SLC9A9: variants seen among roughly 807,000 people sequenced by gnomAD.
The protein encoded by SLC9A9 is sodium/hydrogen exchanger 9.
A neutral mutation model predicts 77.8 loss-of-function variants in SLC9A9; 62 were observed. That is an observed-to-expected ratio of 0.80 (90% confidence interval 0.65 to 0.98). The LOEUF (loss-of-function observed/expected upper bound fraction) is 0.98. SLC9A9 is among the 50% of genes least tolerant of loss of function. The pLI is 0.00. For missense variants in SLC9A9, 775 were observed against 774.9 expected (o/e 1.00, Z 0.00); for synonymous variants, 320 against 283.5 (o/e 1.13, Z -1.29).
At chr3:143,698,969 G>A (rs2108787049) in intron 4 of SLC9A9, among the ~76,000 whole-genome samples, 1 of 152,290 alleles carries the variant, frequency 6.6e-6, no homozygotes, top group Middle Eastern at 3.4e-3. Flanking sequence ...CTAAATTTCT[G>A]AATTTTATAC....
intron 9 of SLC9A9, among the ~76,000 whole-genome samples, chr3:143,498,954 G>A (rs2035885538): frequency 6.6e-6 from 1 of 152,112 alleles, no homozygotes; most frequent in Admixed American, 6.5e-5. Flanking sequence ...AGACACTTGG[G>A]TATTTTCTAG....
chr3:143,577,550 C>A (rs145311947), intron 7 of SLC9A9, among the ~76,000 whole-genome samples: 9 of 152,180 alleles, frequency 5.9e-5, no homozygotes, highest in Non-Finnish European at 1.0e-4. Flanking sequence ...AACTTCGATG[C>A]GGCTCTGGCA....
intron 5 of SLC9A9, among the ~76,000 whole-genome samples, chr3:143,668,007 C>G (rs1028960373): frequency 4.6e-5 from 7 of 152,134 alleles, no homozygotes; most frequent in Non-Finnish European, 1.0e-4. Context: ...GATTATAAAT[C>G]ATGCTGCCAT....
chr3:143,334,363 T>C (rs2031862734), intron 14 of SLC9A9, among the ~76,000 whole-genome samples: 2 of 152,252 alleles, frequency 1.3e-5, no homozygotes, highest in African/African-American at 4.8e-5. Flanking sequence ...TATTAGCAGA[T>C]GGCTGTTGGA....
chr3:143,737,462 A>G (rs1934967072), intron 4 of SLC9A9, among the ~76,000 whole-genome samples: 1 of 151,218 alleles, frequency 6.6e-6, no homozygotes, highest in African/African-American at 2.4e-5. Context: ...ATAAGAACCC[A>G]TGTAATGAGA....
At chr3:143,702,905 CA>C (rs1933846357) in intron 4 of SLC9A9, among the ~76,000 whole-genome samples, 2 of 151,718 alleles carry the variant, frequency 1.3e-5, no homozygotes, top group Non-Finnish European at 2.9e-5. Context: ...CAATGGAAAC[CA>C]AAAAAGAGCA....
chr3:143,305,006 C>T (rs1478358902), intron 14 of SLC9A9, among the ~76,000 whole-genome samples: 1 of 152,142 alleles, frequency 6.6e-6, no homozygotes, highest in East Asian at 1.9e-4. Flanking sequence ...ATTCTGATAT[C>T]TGAACGTGAA....
At chr3:143,605,055 C>T (rs2037899395) in intron 6 of SLC9A9, among the ~76,000 whole-genome samples, 1 of 152,074 alleles carries the variant, frequency 6.6e-6, no homozygotes, top group Non-Finnish European at 1.5e-5. Context: ...TTGTCTAAAC[C>T]ACATGGAGCG....
intron 1 of SLC9A9, among the ~76,000 whole-genome samples, chr3:143,843,635 T>G (rs989749341): frequency 1.3e-5 from 2 of 152,330 alleles, no homozygotes; most frequent in Non-Finnish European, 2.9e-5. Context: ...TCTAAGAGGT[T>G]TAAATTGCTC....
chr3:143,483,435 CCAT>C (rs1259843017), intron 11 of SLC9A9, among the ~76,000 whole-genome samples: 5 of 152,146 alleles, frequency 3.3e-5, no homozygotes, highest in Non-Finnish European at 7.4e-5. Context: ...TTTCTCACCA[CCAT>C]GAGATGAGTC....
At chr3:143,755,358 G>C (rs528095455) in intron 4 of SLC9A9, among the ~76,000 whole-genome samples, 41 of 152,294 alleles carry the variant, frequency 2.7e-4, no homozygotes, top group African/African-American at 8.9e-4. Flanking sequence ...ATAGTTATGT[G>C]ACCATAGGTA....
intron 12 of SLC9A9, among the ~76,000 whole-genome samples, chr3:143,442,954 C>T (rs2034773406): frequency 1.3e-5 from 2 of 152,138 alleles, no homozygotes; most frequent in East Asian, 3.9e-4. Context: ...GAAGAATGTT[C>T]TCTGAGGTTA....
At chr3:143,626,328 G>C (rs1308533938) in intron 6 of SLC9A9, among the ~76,000 whole-genome samples, 1 of 152,192 alleles carries the variant, frequency 6.6e-6, no homozygotes, top group Non-Finnish European at 1.5e-5. Context: ...TATGTTTATT[G>C]CGGCACTATT....
Position 143,552,448 on chromosome 3 carries a change from T to G in SLC9A9, c.1003A>C (p.Ile335Leu). The G allele has an allele frequency of 6.2e-7, 1 of 1,612,666 alleles. No homozygotes were observed. Among genetic ancestry groups the G allele is most frequent in the East Asian group, 2.2e-5 (1 of 44,778 alleles). ...ACTCCACAGAAGAGAACAGCAACTA[T>G]CCCTGAAATTAAAAAAACAGATCAG... ...LSAEAAGLTG[I>L]VAVLFCGVTQ... The change falls in exon 9 of 16, where the codon ATA becomes CTA. Residue 335 changes from isoleucine to leucine, a missense_variant and splice_region_variant. Physicochemically the swap from Ile to Leu is conservative, Grantham distance 5. Transcript: ENST00000316549.
At chr3:143,299,140 T>C (rs2030407379) in intron 14 of SLC9A9, among the ~76,000 whole-genome samples, 2 of 152,158 alleles carry the variant, frequency 1.3e-5, no homozygotes, top group South Asian at 2.1e-4. Context: ...GGGTTGAAAA[T>C]GTGGAAAGAG....
At chr3:143,411,732 G>A (rs77598439) in intron 12 of SLC9A9, among the ~76,000 whole-genome samples, 1 of 151,976 alleles carries the variant, frequency 6.6e-6, no homozygotes, top group Non-Finnish European at 1.5e-5. Context: ...GCTCAGCCAG[G>A]TCTCTCTTCC....
chr3:143,533,887 C>G (rs2036551545), intron 9 of SLC9A9, among the ~76,000 whole-genome samples: 1 of 152,158 alleles, frequency 6.6e-6, no homozygotes, highest in Non-Finnish European at 1.5e-5. Context: ...GTCCACCTAA[C>G]CTGTTGTCTA....
intron 6 of SLC9A9, among the ~76,000 whole-genome samples, chr3:143,584,488 A>G (rs2037509533): frequency 6.6e-6 from 1 of 152,256 alleles, no homozygotes; most frequent in Non-Finnish European, 1.5e-5. Flanking sequence ...TGAAGTGAAC[A>G]TATTGTATCT....
Position 143,790,120 on chromosome 3 carries a change from A to G in SLC9A9, c.533+4881T>C, listed in dbSNP as rs114192530. On this transcript the variant is annotated intron_variant, in intron 4 of 15. Coordinates refer to ENST00000316549, the MANE Select transcript of SLC9A9 (RefSeq NM_173653.4). ...AGTTCTCATTAGATCTGATAGTTTT[A>G]TAAGGGGCTCTTCCCTGCTTCGCTC... is the stretch of plus-strand genomic sequence containing the variant. Among the ~76,000 whole-genome samples the G allele has an allele frequency of 6.2e-3, 950 of 152,176 alleles. 11 individuals carry two copies. Among genetic ancestry groups the G allele is most frequent in the African/African-American group, 0.021 (859 of 41,522 alleles).
Sources: allele counts gnomAD v4.1 joint callset (sites outside exome capture counted in the v4.1 genomes callset), GRCh38; gene constraint gnomAD v4.1.1; transcripts MANE v1.5; gene names NCBI Gene and HGNC (gene_info 2026-07-23, HGNC 2026-07-21).